DAPK1: variants seen among roughly 807,000 people sequenced by gnomAD.
DAPK1 encodes death associated protein kinase 1, also known as death-associated protein kinase 1.
A neutral mutation model predicts 144.9 loss-of-function variants in DAPK1; 56 were observed. That is an observed-to-expected ratio of 0.39 (90% confidence interval 0.31 to 0.48). DAPK1 has a LOEUF of 0.48. DAPK1 is among the 20% of genes least tolerant of loss of function. The probability of loss-of-function intolerance (pLI) is 0.95; values close to 1 mark genes in which losing one functional copy is unlikely to be tolerated. For missense variants in DAPK1, 1,454 were observed against 1,875.4 expected, an observed-to-expected ratio of 0.78 and a Z score of 4.15; for synonymous variants, 690 against 749.0, an observed-to-expected ratio of 0.92 and a Z score of 1.29.
rs531547444 is a variant in DAPK1 at position 87,628,077 on chromosome 9, G to A, written c.285-9866G>A. ...CCCTTGAGCCATGTTCTTCCCATAG[G>A]GGTTTGTTCTAGGTACCTTCAGGAG... is the stretch of plus-strand genomic sequence containing the variant. On this transcript the variant is annotated intron_variant, in intron 3 of 25. Transcript: ENST00000408954. 9.2e-5 allele frequency among the ~76,000 whole-genome samples: 14 copies of A among 152,258 alleles called. No homozygotes were observed. In the East Asian group the frequency reaches 2.7e-3, roughly 29 times the overall value.
chr9:87,658,772 T>C (rs1470932414), intron 18 of DAPK1, among the ~76,000 whole-genome samples: 1 of 152,258 alleles, frequency 6.6e-6, no homozygotes. Flanking sequence ...ATTTTATGGC[T>C]GCAGTGAAAT....
At chr9:87,549,632 CAA>C (rs1179234814) in intron 2 of DAPK1, among the ~76,000 whole-genome samples, 22 of 152,248 alleles carry the variant, frequency 1.4e-4, no homozygotes, top group Non-Finnish European at 2.6e-4. Context: ...CTTCTCATCA[CAA>C]AGAGTACACA....
Position 87,706,365 on chromosome 9 carries a change from G to C in DAPK1, c.3294G>C (p.Gly1098=). 1.2e-6 allele frequency: 2 copies of C among 1,609,462 alleles called. No homozygotes were observed. Among genetic ancestry groups the C allele is most frequent in the South Asian group, 2.2e-5 (2 of 90,240 alleles). Residue 1098 remains glycine (G), a synonymous_variant, in exon 26 of 26, where the codon GGG becomes GGC. Transcript: ENST00000408954. This position sits in a 1 kb window ranked among gnomAD's most constrained non-coding sequence, Gnocchi z 9.0. ...MDICARDLSS[G]TMVDVPALIK... Reference sequence around the variant, plus strand: ...TCTGCGCCCGGGACCTGAGCAGCGGGACCATGGTGGACGTCCCAGCCCTGA... The same window carrying C: ...TCTGCGCCCGGGACCTGAGCAGCGGCACCATGGTGGACGTCCCAGCCCTGA...
At chr9:87,540,592 T>C (rs1826015063) in intron 2 of DAPK1, among the ~76,000 whole-genome samples, 1 of 152,306 alleles carries the variant, frequency 6.6e-6, no homozygotes, top group East Asian at 1.9e-4. Flanking sequence ...GTACTTTCCA[T>C]GGTTTGACGC....
chr9:87,647,388 G>T lies in DAPK1; in HGVS notation c.1314G>T (p.Leu438Phe). 5 of 1,614,108 alleles carry T rather than the reference G, an allele frequency of 3.1e-6. No homozygotes were observed. Among genetic ancestry groups the T allele is most frequent in the Non-Finnish European group, 4.2e-6 (5 of 1,179,982 alleles). Residue 438 changes from leucine (L) to phenylalanine (F), a missense_variant, in exon 14 of 26, where the codon TTG (leucine) becomes TTT (phenylalanine). Coordinates refer to ENST00000408954, the MANE Select transcript of DAPK1 (RefSeq NM_004938.4). ...LKFLSENKCP[L>F]DVKDKSGEMA... is the part of the protein sequence containing the mutation. The stretch of plus-strand genomic sequence containing the variant: ...TTCTCAGTGAGAACAAATGCCCTTT[G>T]GATGTGAAAGACAAGGTAAGGCCAC...
chr9:87,572,996 G>A (rs1176978389), intron 2 of DAPK1, among the ~76,000 whole-genome samples: 1 of 152,184 alleles, frequency 6.6e-6, no homozygotes, highest in East Asian at 1.9e-4. Context: ...CCTTCCAGAT[G>A]CTGATTCTGA....
intron 14 of DAPK1, 119 bp from the exon 15 acceptor site, chr9:87,648,661 TG>T: frequency 1.2e-6 from 1 of 831,966 alleles, no homozygotes; most frequent in Non-Finnish European, 2.0e-6. Flanking sequence ...CCAAGGTGGG[TG>T]GGTGGAACCA....
Position 87,707,468 on chromosome 9 carries a change from C to T in DAPK1, c.*104C>T, listed in dbSNP as rs1825683608. 3 of 762,954 alleles carry T rather than the reference C, an allele frequency of 3.9e-6. No homozygotes were observed. Among genetic ancestry groups the T allele is most frequent in the Non-Finnish European group, 6.3e-6 (3 of 475,544 alleles). The allele number at this position is 762,954 out of a possible 1,614,324, so 47.3% of individuals were successfully genotyped here. On this transcript the variant is annotated 3_prime_UTR_variant, in exon 26 of 26. Transcript: ENST00000408954. The surrounding 1 kb of genome is among the most constrained non-coding windows in gnomAD (Gnocchi z 4.0). ...ATGCTGAGGGTGTTTCTTCCTGCAC[C>T]CACAGCCAGGGGGATGCCACTCCTC...
chr9:87,545,546 T>A (rs919786801), intron 2 of DAPK1, among the ~76,000 whole-genome samples: 1 of 152,060 alleles, frequency 6.6e-6, no homozygotes, highest in Non-Finnish European at 1.5e-5. Context: ...ATTTCAGCTT[T>A]AAAAAAAATT....
intron 2 of DAPK1, among the ~76,000 whole-genome samples, chr9:87,511,345 G>A (rs909304086): frequency 6.6e-6 from 1 of 152,202 alleles, no homozygotes; most frequent in Non-Finnish European, 1.5e-5. Context: ...GAATTTAGCT[G>A]TGCATCTGAA....
intron 3 of DAPK1, among the ~76,000 whole-genome samples, 187 bp from the exon 4 acceptor site, chr9:87,637,756 C>T (rs1829952298): frequency 6.6e-6 from 1 of 152,194 alleles, no homozygotes; most frequent in Admixed American, 6.5e-5. Flanking sequence ...TGCTTTCAAG[C>T]ACAAATGTGT....
intron 8 of DAPK1, 47 bp downstream of exon 8, chr9:87,640,497 G>A (rs1248474942): frequency 6.3e-7 from 1 of 1,591,284 alleles, no homozygotes; most frequent in African/African-American, 1.3e-5. Flanking sequence ...GCCTCAGCCA[G>A]CCCAGAGCCT....
intron 19 of DAPK1, 30 bp from the exon 20 acceptor site, chr9:87,681,374 A>G (rs776993855): frequency 2.5e-6 from 3 of 1,200,268 alleles, no homozygotes; most frequent in Non-Finnish European, 3.7e-6. Context: ...TTTTTCTGTC[A>G]CTCACTGGCT....
intron 8 of DAPK1, 55 bp downstream of exon 8, chr9:87,640,505 C>T (rs1282157535): frequency 6.3e-7 from 1 of 1,578,452 alleles, no homozygotes; most frequent in African/African-American, 1.4e-5. Context: ...CAGCCCAGAG[C>T]CTGTGTCTGT....
intron 3 of DAPK1, among the ~76,000 whole-genome samples, chr9:87,614,692 G>A (rs1035814715): frequency 5.9e-5 from 9 of 152,144 alleles, no homozygotes; most frequent in Admixed American, 4.6e-4. Flanking sequence ...TACTGGTTTT[G>A]CCTCTTGCCC....
chr9:87,525,229 A>C, intron 2 of DAPK1: 1 of 1,037,604 alleles, frequency 9.6e-7, no homozygotes, highest in South Asian at 1.3e-5. Flanking sequence ...CACCCTACCC[A>C]ATGCAGTGCT....
intron 18 of DAPK1, among the ~76,000 whole-genome samples, chr9:87,668,234 G>A (rs721936): frequency 0.49 from 73,840 of 151,996 alleles, 20,040 homozygotes; most frequent in African/African-American, 0.72. Context: ...TTTGGCACCT[G>A]ATGAGAATCT....
At chr9:87,633,863 T>C (rs1187305385) in intron 3 of DAPK1, among the ~76,000 whole-genome samples, 2 of 152,188 alleles carry the variant, frequency 1.3e-5, no homozygotes, top group Non-Finnish European at 2.9e-5. Context: ...AAGCAGACTC[T>C]GAGATGGAGA....
intron 2 of DAPK1, among the ~76,000 whole-genome samples, chr9:87,568,535 C>T (rs1272973411): frequency 1.3e-5 from 2 of 152,174 alleles, no homozygotes; most frequent in African/African-American, 4.8e-5. Context: ...CTTCTTGTGC[C>T]TGCTCTGGGT....
Sources: gnomAD v4.1 joint callset for allele counts (sites outside exome capture counted in the v4.1 genomes callset) on GRCh38, gnomAD v4.1.1 for gene constraint, Gnocchi (gnomAD v3.1) non-coding constraint, MANE v1.5 for transcripts, NCBI Gene and HGNC (gene_info 2026-07-23, HGNC 2026-07-21) for gene names.